Variants in CADM2 observed in about 807,000 individuals in gnomAD.
CADM2 encodes the protein immunoglobulin superfamily member 4D.
A neutral mutation model predicts 49.8 loss-of-function variants in CADM2; 12 were observed. The observed-to-expected ratio is 0.24, with a 90% CI of 0.15 to 0.39. The LOEUF (loss-of-function observed/expected upper bound fraction) is 0.39, where lower values mean the gene tolerates loss of function less well. CADM2 is among the 10% of genes least tolerant of loss of function. The probability of loss-of-function intolerance (pLI) is 1.00; values close to 1 mark genes in which losing one functional copy is unlikely to be tolerated. For synonymous variants in CADM2, 214 were observed against 175.4 expected (o/e 1.22, Z -1.74); for missense variants, 378 against 492.3 (o/e 0.77, Z 2.20).
intron 5 of CADM2, among the ~76,000 whole-genome samples, 187 bp from the exon 6 acceptor site, chr3:85,912,186 G>T (rs906107249): frequency 4.6e-5 from 7 of 151,906 alleles, no homozygotes; most frequent in African/African-American, 1.2e-4. Flanking sequence ...ACCTCGTGAA[G>T]AATTTATTTT....
At chr3:85,158,934 G>A (rs575938010) in intron 1 of CADM2, among the ~76,000 whole-genome samples, 9 of 152,074 alleles carry the variant, frequency 5.9e-5, no homozygotes, top group Non-Finnish European at 1.3e-4. Flanking sequence ...GAGAGAGAAA[G>A]ATAGTTGCAT....
At chr3:85,703,669 G>A (rs947758453) in intron 1 of CADM2, among the ~76,000 whole-genome samples, 1 of 152,134 alleles carries the variant, frequency 6.6e-6, no homozygotes, top group Non-Finnish European at 1.5e-5. Context: ...CTAGTTACCA[G>A]GTTCCTAGAC....
At chr3:85,601,171 T>TACACACAC (rs1213000087) in intron 1 of CADM2, among the ~76,000 whole-genome samples, 42 of 100,104 alleles carry the variant, frequency 4.2e-4, no homozygotes, top group Non-Finnish European at 7.0e-4. Context: ...TATATATATA[T>TACACACAC]ATACACACAC....
chr3:85,354,389 A>T (rs1485732397), intron 1 of CADM2, among the ~76,000 whole-genome samples: 1 of 150,006 alleles, frequency 6.7e-6, no homozygotes, highest in Non-Finnish European at 1.5e-5. Flanking sequence ...GCATTAAGAG[A>T]TACACCTAAT....
At chr3:85,115,186 C>T (rs1318857798) in intron 1 of CADM2, among the ~76,000 whole-genome samples, 11 of 152,074 alleles carry the variant, frequency 7.2e-5, no homozygotes, top group African/African-American at 2.2e-4. Context: ...TCTTGCTACC[C>T]TACAAGGTCT....
intron 7 of CADM2, among the ~76,000 whole-genome samples, chr3:85,946,364 T>TTA (rs1722692524): frequency 6.6e-6 from 1 of 151,572 alleles, no homozygotes; most frequent in South Asian, 2.1e-4. Flanking sequence ...CCAAGGTAAT[T>TTA]TATAGATTCA....
At chr3:85,757,685 T>G (rs2069188199) in intron 2 of CADM2, among the ~76,000 whole-genome samples, 1 of 152,128 alleles carries the variant, frequency 6.6e-6, no homozygotes, top group Non-Finnish European at 1.5e-5. Flanking sequence ...AACATAGTAT[T>G]GTAGATTCTA....
chr3:85,742,332 T>A (rs2068426868), intron 2 of CADM2, among the ~76,000 whole-genome samples: 1 of 152,184 alleles, frequency 6.6e-6, no homozygotes, highest in Admixed American at 6.5e-5. Context: ...TCTTTCTACC[T>A]ATGTTAACCT....
At chr3:85,500,487 A>T (rs2040071589) in intron 1 of CADM2, among the ~76,000 whole-genome samples, 1 of 152,104 alleles carries the variant, frequency 6.6e-6, no homozygotes, top group African/African-American at 2.4e-5. Context: ...TTGATGAAAT[A>T]AACTTCATTT....
chr3:85,053,809 T>C (rs1051202515), intron 1 of CADM2, among the ~76,000 whole-genome samples: 2 of 151,970 alleles, frequency 1.3e-5, no homozygotes, highest in African/African-American at 4.8e-5. Context: ...TATAAATATG[T>C]CTTTACCATC....
At chr3:85,436,248 C>T (rs1224918162) in intron 1 of CADM2, among the ~76,000 whole-genome samples, 1 of 152,070 alleles carries the variant, frequency 6.6e-6, no homozygotes, top group Non-Finnish European at 1.5e-5. Flanking sequence ...TATAGGAATG[C>T]TTGAGATTTT....
At chr3:85,763,451 C>A (rs1047049653) in intron 2 of CADM2, among the ~76,000 whole-genome samples, 3 of 152,132 alleles carry the variant, frequency 2.0e-5, no homozygotes, top group African/African-American at 7.2e-5. Context: ...ACAAAGGTAG[C>A]TTTATATTCA....
intron 1 of CADM2, among the ~76,000 whole-genome samples, chr3:85,448,169 A>C (rs1181745468): frequency 6.6e-6 from 1 of 150,576 alleles, no homozygotes; most frequent in Non-Finnish European, 1.5e-5. Flanking sequence ...GTCTCTACTG[A>C]AAATACAAAA....
At chr3:85,857,620 C>T (rs754936272) in intron 3 of CADM2, among the ~76,000 whole-genome samples, 4 of 152,026 alleles carry the variant, frequency 2.6e-5, no homozygotes, top group Non-Finnish European at 5.9e-5. Context: ...TGGGTAACTC[C>T]CAGGCTCACT....
chr3:85,621,488 AT>A (rs1488084298), intron 1 of CADM2, among the ~76,000 whole-genome samples: 2 of 152,158 alleles, frequency 1.3e-5, no homozygotes, highest in Non-Finnish European at 2.9e-5. Context: ...TTCTTATTAG[AT>A]TTATTTTGCC....
intron 7 of CADM2, among the ~76,000 whole-genome samples, chr3:85,939,470 C>A (rs867235188): frequency 7.0e-6 from 1 of 143,182 alleles, no homozygotes; most frequent in Non-Finnish European, 1.6e-5. Flanking sequence ...TAAACGAAAA[C>A]ACACACACAC....
chr3:85,538,025 A>G (rs1022327197), intron 1 of CADM2, among the ~76,000 whole-genome samples: 2 of 152,168 alleles, frequency 1.3e-5, no homozygotes, highest in Non-Finnish European at 2.9e-5. Flanking sequence ...TGTTCATATC[A>G]TAATGTATTG....
At chr3:85,693,723 CAAAAAA>C (rs397807084) in intron 1 of CADM2, among the ~76,000 whole-genome samples, 6 of 66,540 alleles carry the variant, frequency 9.0e-5, no homozygotes, top group African/African-American at 2.5e-4. Context: ...ACGTATCTAC[CAAAAAA>C]AAAAAAAAAA....
intron 1 of CADM2, among the ~76,000 whole-genome samples, chr3:84,989,394 C>A (rs9647393): frequency 0.24 from 36,206 of 151,900 alleles, 5,405 homozygotes; most frequent in Non-Finnish European, 0.34. Flanking sequence ...ATAGATAAGT[C>A]TTTAACAATA....
Sources: allele counts gnomAD v4.1 joint callset (sites outside exome capture counted in the v4.1 genomes callset), GRCh38; gene constraint gnomAD v4.1.1; transcripts MANE v1.5; gene names NCBI Gene and HGNC (gene_info 2026-07-23, HGNC 2026-07-21).